The following LMTK2 variants were observed in gnomAD, a reference collection of about 807,000 sequenced individuals.
The protein encoded by LMTK2 is serine/threonine-protein kinase LMTK2.
A neutral mutation model predicts 127.5 loss-of-function variants in LMTK2; 37 were observed. The observed-to-expected ratio is 0.29, with a 90% confidence interval of 0.22 to 0.38. The LOEUF is 0.38. LMTK2 is among the 10% of genes least tolerant of loss of function. The pLI is 1.00. For missense variants in LMTK2, 1,694 were observed against 1,920.3 expected (o/e 0.88, Z 2.20); for synonymous variants, 819 against 810.1 (o/e 1.01, Z -0.19).
At chr7:98,161,289 C>G (rs1797012966) in intron 6 of LMTK2, among the ~76,000 whole-genome samples, 1 of 152,058 alleles carries the variant, frequency 6.6e-6, no homozygotes, top group South Asian at 2.1e-4. Context: ...ATTTTTTAAC[C>G]TAACAAAGTC....
At chr7:98,201,599 G>GTGTTTTGTTGTGTTT (rs1554395690) in intron 11 of LMTK2, among the ~76,000 whole-genome samples, 1 of 149,692 alleles carries the variant, frequency 6.7e-6, no homozygotes, top group Non-Finnish European at 1.5e-5. Flanking sequence ...CTTCGTGTGT[G>GTGTTTTGTTGTGTTT]TGTTTTGTTT....
chr7:98,126,422 T>G (rs1006736414), intron 1 of LMTK2: 4 of 152,278 alleles, frequency 2.6e-5, no homozygotes, highest in Non-Finnish European at 5.9e-5. Context: ...CTGCATCGGC[T>G]TCCGGAGTGT....
chr7:98,203,650 C>T lies in LMTK2; in HGVS notation c.4184C>T (p.Ser1395Leu), dbSNP rs898666244. ...GACCTGAGCGGCCCAGCCCCAGCCTCAGGCTCTCCCTACCTGAGCAGGTGC... is the reference window on the plus strand; with the variant it reads ...GACCTGAGCGGCCCAGCCCCAGCCTTAGGCTCTCCCTACCTGAGCAGGTGC... ...GPDLSGPAPASGSPYLSRCIN... is the reference protein window; with the variant it reads ...GPDLSGPAPALGSPYLSRCIN... Residue 1395 changes from serine to leucine, a missense_variant, in exon 12 of 14, where the codon TCA becomes TTA. Ser to Leu is a moderately radical substitution (Grantham distance 145). This residue lies in a region of LMTK2 where 554 missense variants were observed against 567.7 expected (regional missense o/e 0.98). Transcript: ENST00000297293. The T allele has an allele frequency of 1.9e-6, 3 of 1,613,838 alleles. No individual in the cohort carries two copies. Among genetic ancestry groups the T allele is most frequent in the Non-Finnish European group, 2.5e-6 (3 of 1,179,964 alleles).
At chr7:98,165,411 C>G (rs1797080040) in intron 6 of LMTK2, among the ~76,000 whole-genome samples, 1 of 152,164 alleles carries the variant, frequency 6.6e-6, no homozygotes, top group Non-Finnish European at 1.5e-5. Flanking sequence ...GATGGACTTG[C>G]CTGAGGGTGC....
At chr7:98,116,123 G>T (rs1052071809) in intron 1 of LMTK2, among the ~76,000 whole-genome samples, 1 of 152,120 alleles carries the variant, frequency 6.6e-6, no homozygotes, top group Non-Finnish European at 1.5e-5. Flanking sequence ...CAAACTCCTG[G>T]CCTCAAGCAG....
chr7:98,176,616 G>A (rs902379287), intron 7 of LMTK2, among the ~76,000 whole-genome samples: 4 of 152,112 alleles, frequency 2.6e-5, no homozygotes, highest in Non-Finnish European at 5.9e-5. Flanking sequence ...AGGCCGAGGT[G>A]GGCAGATCAC....
At chr7:98,134,273 T>G (rs1044764013) in intron 1 of LMTK2, among the ~76,000 whole-genome samples, 3 of 152,242 alleles carry the variant, frequency 2.0e-5, no homozygotes, top group African/African-American at 7.2e-5. Context: ...AGTCACACCC[T>G]TAGTTTTGTA....
intron 6 of LMTK2, among the ~76,000 whole-genome samples, chr7:98,167,475 G>A (rs1231101065): frequency 6.6e-6 from 1 of 152,224 alleles, no homozygotes; most frequent in African/African-American, 2.4e-5. Flanking sequence ...CCTCAAGGTG[G>A]GGTGGTGCTG....
chr7:98,191,166 C>T (rs898728303), intron 10 of LMTK2, among the ~76,000 whole-genome samples: 1 of 152,128 alleles, frequency 6.6e-6, no homozygotes, highest in African/African-American at 2.4e-5. Flanking sequence ...CCAGGCTGTT[C>T]TTGAACTCCT....
rs1230976411 is a variant in LMTK2, at chr7:98,194,015, C to T, written c.3550C>T (p.Gln1184Ter). The T allele has an allele frequency of 6.2e-7, 1 of 1,614,148 alleles. No individual in the cohort carries two copies. The highest frequency in any genetic ancestry group is 8.5e-7 in the Non-Finnish European group (1 of 1,180,050). ...ATTAAGAGCCACGCCGGAGCCAGCA[C>T]AGACTGGTGTTCCCCAGCAGGTGCA... ...LELRATPEPA[Q>*]TGVPQQVHPT... is the part of the protein sequence containing the mutation. The change falls in exon 11 of 14, where the codon CAG becomes TAG. Residue 1184 changes from glutamine to a stop codon, truncating the protein, a stop_gained. Coordinates refer to ENST00000297293, the MANE Select transcript of LMTK2 (RefSeq NM_014916.4). LOFTEE classifies it high-confidence loss of function. The surrounding 1 kb of genome is among the most constrained non-coding windows in gnomAD (Gnocchi z 5.4).
intron 1 of LMTK2, among the ~76,000 whole-genome samples, chr7:98,120,241 G>A (rs1260556189): frequency 1.3e-5 from 2 of 152,162 alleles, no homozygotes; most frequent in Non-Finnish European, 2.9e-5. Flanking sequence ...ATTTAAAAGT[G>A]AAACCACTAT....
At position 98,205,369 on chromosome 7, in the gene LMTK2, G is replaced by A. The variant is rs957893297; in HGVS notation, c.4484-95G>A. 1.3e-5 allele frequency: 19 copies of A among 1,472,336 alleles called. No homozygotes were observed. In the African/African-American group the frequency reaches 1.8e-4, roughly 14 times the overall value. 91.2% of individuals were successfully genotyped at this position (1,472,336 alleles called of 1,614,324 possible). On this transcript the variant is annotated intron_variant, in intron 13 of 13. Coordinates refer to ENST00000297293, the MANE Select transcript of LMTK2 (RefSeq NM_014916.4). ...TGCTGGGCTCAAAACACCCGCTTCC[G>A]TTCCTGTGGTGCAGCGCACATGCCA...
chr7:98,205,421 T>TA (rs144863486), intron 13 of LMTK2, 43 bp from the exon 14 acceptor site: 1 of 1,613,222 alleles, frequency 6.2e-7, no homozygotes, highest in African/African-American at 1.3e-5. Flanking sequence ...CTGATCATTT[T>TA]AAAAACCCAG....
intron 10 of LMTK2, among the ~76,000 whole-genome samples, chr7:98,191,385 G>A (rs1017017482): frequency 1.3e-5 from 2 of 151,976 alleles, no homozygotes; most frequent in Non-Finnish European, 2.9e-5. Context: ...AACCCCGTCT[G>A]TACTAAAAAT....
At chr7:98,156,264 G>C (rs935488279) in intron 5 of LMTK2, among the ~76,000 whole-genome samples, 2 of 152,172 alleles carry the variant, frequency 1.3e-5, no homozygotes, top group African/African-American at 2.4e-5. Context: ...AGGAGATTGA[G>C]ACCATCCTGG....
At position 98,192,763 on chromosome 7, in the gene LMTK2, T is replaced by G; in HGVS notation, c.2298T>G (p.Ser766=). The G allele has an allele frequency of 6.2e-7, 1 of 1,613,838 alleles. No individual in the cohort carries two copies. Among genetic ancestry groups the G allele is most frequent in the Non-Finnish European group, 8.5e-7 (1 of 1,179,840 alleles). ...EAMLETSCRN[S]LDTELQFAEN... ...TGTTAGAAACGTCATGTAGAAACTC[T>G]TTAGATACTGAGCTTCAGTTTGCTG... is the stretch of plus-strand genomic sequence containing the variant. Residue 766 remains serine, a synonymous_variant, in exon 11 of 14, where the codon TCT becomes TCG. Coordinates refer to ENST00000297293, the MANE Select transcript of LMTK2 (RefSeq NM_014916.4).
intron 1 of LMTK2, among the ~76,000 whole-genome samples, chr7:98,130,882 C>T (rs1210230191): frequency 6.6e-6 from 1 of 152,120 alleles, no homozygotes; most frequent in Non-Finnish European, 1.5e-5. Flanking sequence ...TATGACAGCC[C>T]TAGCACGTTA....
chr7:98,152,812 G>A (rs1416374397), intron 4 of LMTK2, among the ~76,000 whole-genome samples: 1 of 152,194 alleles, frequency 6.6e-6, no homozygotes, highest in Non-Finnish European at 1.5e-5. Context: ...GAAGGTGAAA[G>A]CAGGGAGGAG....
chr7:98,201,766 C>T (rs11976169), intron 11 of LMTK2, among the ~76,000 whole-genome samples: 81 of 152,208 alleles, frequency 5.3e-4, no homozygotes, highest in African/African-American at 1.8e-3. Flanking sequence ...TGCACCACCA[C>T]GCCTAGCTAA....
Sources: gnomAD v4.1 joint callset for allele counts (sites outside exome capture counted in the v4.1 genomes callset) on GRCh38, gnomAD v4.1.1 for gene constraint, gnomAD v4.1.1 regional missense constraint, Gnocchi (gnomAD v3.1) non-coding constraint, MANE v1.5 for transcripts, NCBI Gene and HGNC (gene_info 2026-07-23, HGNC 2026-07-21) for gene names.